The following KAZN variants were observed in gnomAD, a reference collection of about 807,000 sequenced individuals.
The protein encoded by KAZN is kazrin.
KAZN carries 40 observed loss-of-function variants against 87.4 expected under a neutral mutation model. The observed-to-expected ratio is 0.46, with a 90% CI of 0.36 to 0.60. KAZN has a LOEUF of 0.60. Ranked by LOEUF, KAZN falls within the 20% of genes least tolerant of loss-of-function variation. KAZN has a pLI of 0.00. For missense variants in KAZN, 898 were observed against 1,073.9 expected (o/e 0.84, Z 2.29); for synonymous variants, 466 against 458.3 (o/e 1.02, Z -0.22).
intron 1 of KAZN, among the ~76,000 whole-genome samples, chr1:14,046,926 T>C (rs751392936): frequency 6.6e-6 from 1 of 152,172 alleles, no homozygotes; most frequent in Non-Finnish European, 1.5e-5. Context: ...CGGAAGGCAA[T>C]CCTGTAATCT....
intron 1 of KAZN, among the ~76,000 whole-genome samples, chr1:13,965,645 C>T (rs1396387416): frequency 6.6e-6 from 1 of 152,120 alleles, no homozygotes; most frequent in East Asian, 1.9e-4. Context: ...CCGATAGTCC[C>T]AACTCTCAGC....
At chr1:14,610,908 C>T (rs1015631677) in intron 1 of KAZN, among the ~76,000 whole-genome samples, 67 of 152,114 alleles carry the variant, frequency 4.4e-4, no homozygotes, top group African/African-American at 1.6e-3. Context: ...TAATATGCAA[C>T]CAAAATATGT....
At chr1:14,159,616 T>A (rs1202221195) in intron 1 of KAZN, among the ~76,000 whole-genome samples, 6 of 152,174 alleles carry the variant, frequency 3.9e-5, no homozygotes, top group Admixed American at 6.5e-5. Flanking sequence ...GCCAAGCAGG[T>A]ACCTAAGGTG....
At chr1:14,416,022 G>T (rs762963403) in intron 2 of KAZN, among the ~76,000 whole-genome samples, 1 of 152,100 alleles carries the variant, frequency 6.6e-6, no homozygotes, top group Non-Finnish European at 1.5e-5. Flanking sequence ...TGCAGCTGAG[G>T]GGCGGAGGCA....
At chr1:14,690,994 A>C (rs981129385) in intron 1 of KAZN, among the ~76,000 whole-genome samples, 3 of 152,196 alleles carry the variant, frequency 2.0e-5, no homozygotes, top group Non-Finnish European at 2.9e-5. Flanking sequence ...CCTAATGTTG[A>C]ATTTACATTT....
At chr1:14,039,090 G>A (rs1033149452) in intron 1 of KAZN, among the ~76,000 whole-genome samples, 3 of 150,520 alleles carry the variant, frequency 2.0e-5, no homozygotes, top group African/African-American at 7.3e-5. Context: ...AGAATCACTT[G>A]AACCAGGGAG....
chr1:14,528,458 T>C (rs1261671205), intron 2 of KAZN, among the ~76,000 whole-genome samples: 1 of 150,962 alleles, frequency 6.6e-6, no homozygotes, highest in Non-Finnish European at 1.5e-5. Context: ...ACACTCCTCC[T>C]ACCTATCCAC....
chr1:15,091,419 A>G (rs1640528157), intron 8 of KAZN, among the ~76,000 whole-genome samples: 1 of 152,164 alleles, frequency 6.6e-6, no homozygotes, highest in African/African-American at 2.4e-5. Flanking sequence ...ATCTCGACTT[A>G]CTGCAACCTC....
intron 2 of KAZN, among the ~76,000 whole-genome samples, chr1:14,364,895 GT>G (rs962359400): frequency 5.3e-5 from 8 of 152,096 alleles, no homozygotes; most frequent in Non-Finnish European, 1.0e-4. Flanking sequence ...TCCTTCCTCT[GT>G]TTTTTTGTTT....
At chr1:15,100,931 C>A (rs1641031929) in intron 10 of KAZN, among the ~76,000 whole-genome samples, 1 of 152,124 alleles carries the variant, frequency 6.6e-6, no homozygotes, top group Non-Finnish European at 1.5e-5. Flanking sequence ...ATCAGGTGGG[C>A]CAAGCCCAGG....
intron 2 of KAZN, among the ~76,000 whole-genome samples, chr1:14,579,304 T>G (rs1172040130): frequency 6.6e-6 from 1 of 152,160 alleles, no homozygotes. Flanking sequence ...TGACACCCAT[T>G]AATGCCCCCA....
intron 7 of KAZN, 22 bp from the exon 8 acceptor site, chr1:15,065,608 C>G: frequency 6.3e-7 from 1 of 1,587,246 alleles, no homozygotes; most frequent in African/African-American, 1.3e-5. Flanking sequence ...CACCCTCTTC[C>G]ACGTGGCTCC....
intron 2 of KAZN, among the ~76,000 whole-genome samples, chr1:14,339,855 T>C (rs965130902): frequency 3.9e-5 from 6 of 152,222 alleles, no homozygotes; most frequent in Admixed American, 1.3e-4. Flanking sequence ...CAACAGCTTT[T>C]CCCTGAAAAT....
At chr1:14,448,909 A>G (rs1157401278) in intron 2 of KAZN, among the ~76,000 whole-genome samples, 2 of 152,206 alleles carry the variant, frequency 1.3e-5, no homozygotes, top group Non-Finnish European at 2.9e-5. Flanking sequence ...TGAGAACTGG[A>G]GGAAGCTAGA....
chr1:15,008,530 T>A (rs913976159), intron 2 of KAZN, among the ~76,000 whole-genome samples: 1 of 152,216 alleles, frequency 6.6e-6, no homozygotes, highest in East Asian at 1.9e-4. Flanking sequence ...TCCAGAGCAC[T>A]TCACTGTTTG....
In KAZN at chr1:14,721,015, C is replaced by G. The variant is rs140864784; in HGVS notation, c.226+121792C>G. On this transcript the variant is annotated intron_variant, in intron 1 of 14. Coordinates refer to ENST00000376030, the MANE Select transcript of KAZN (RefSeq NM_201628.3). ...CTTGTTTGTACCCTGTATACAGAGT[C>G]AGGCATTTCTTCTTGCAAAGAGCAC... Among the ~76,000 whole-genome samples, 320 of 152,316 alleles carry G rather than the reference C, an allele frequency of 2.1e-3. 1 individual carries two copies. The highest frequency in any genetic ancestry group is 3.2e-3 in the Non-Finnish European group (216 of 68,028).
At chr1:14,280,420 G>A (rs1478016093) in intron 2 of KAZN, among the ~76,000 whole-genome samples, 2 of 150,966 alleles carry the variant, frequency 1.3e-5, no homozygotes, top group Non-Finnish European at 2.9e-5. Context: ...ATTGGAGTCG[G>A]TGGGCCCAAT....
At chr1:14,507,447 A>G (rs764484450) in intron 2 of KAZN, among the ~76,000 whole-genome samples, 1 of 152,212 alleles carries the variant, frequency 6.6e-6, no homozygotes, top group Non-Finnish European at 1.5e-5. Context: ...GTTTCTATGG[A>G]AACAAAAGTT....
chr1:14,545,840 C>T (rs918847376), intron 2 of KAZN, among the ~76,000 whole-genome samples: 1 of 152,046 alleles, frequency 6.6e-6, no homozygotes, highest in African/African-American at 2.4e-5. Flanking sequence ...AAATATCCCA[C>T]CAGAAGTTAT....
Sources: gnomAD v4.1 joint callset for allele counts (sites outside exome capture counted in the v4.1 genomes callset) on GRCh38, gnomAD v4.1.1 for gene constraint, MANE v1.5 for transcripts, NCBI Gene and HGNC (gene_info 2026-07-23, HGNC 2026-07-21) for gene names.